RASA1: variants seen among roughly 807,000 people sequenced by gnomAD.
RASA1 encodes the protein RAS p21 protein activator 1.
In RASA1, 25 loss-of-function variants were observed where a neutral mutation model predicts 132.2. The ratio of observed to expected loss-of-function variants is 0.19; its 90% CI spans 0.14 to 0.26. The LOEUF is 0.26. Ranked by LOEUF, RASA1 falls within the 10% of genes least tolerant of loss-of-function variation. The pLI is 1.00. For missense variants in RASA1, 964 were observed against 1,299.2 expected (o/e 0.74, Z 3.97); for synonymous variants, 477 against 449.9 (o/e 1.06, Z -0.76).
intron 1 of RASA1, among the ~76,000 whole-genome samples, chr5:87,294,931 C>T (rs1414459544): frequency 1.3e-5 from 2 of 152,154 alleles, no homozygotes; most frequent in Non-Finnish European, 2.9e-5. Flanking sequence ...TCTGCCCATT[C>T]CTGATAGAGC....
At chr5:87,337,334 AC>A (rs1228440604) in intron 4 of RASA1, among the ~76,000 whole-genome samples, 1 of 152,022 alleles carries the variant, frequency 6.6e-6, no homozygotes, top group African/African-American at 2.4e-5. Flanking sequence ...CAGAAAAAAA[AC>A]ATACATTCCT....
chr5:87,275,877 T>C (rs1222052535), intron 1 of RASA1, among the ~76,000 whole-genome samples: 1 of 152,212 alleles, frequency 6.6e-6, no homozygotes, highest in African/African-American at 2.4e-5. Flanking sequence ...CAGCTTGGCC[T>C]TCTTCATAGC....
intron 6 of RASA1, among the ~76,000 whole-genome samples, chr5:87,344,765 C>T (rs886425578): frequency 3.3e-5 from 5 of 150,974 alleles, no homozygotes; most frequent in African/African-American, 9.7e-5. Flanking sequence ...GTGATCCTCC[C>T]ACCTTGGCCT....
chr5:87,287,855 ACC>A (rs1561257737), intron 1 of RASA1, among the ~76,000 whole-genome samples: 1 of 123,624 alleles, frequency 8.1e-6, no homozygotes. Flanking sequence ...ATATACACAC[ACC>A]ATATATATAC....
chr5:87,270,692 T>A (rs1753793307), intron 1 of RASA1, among the ~76,000 whole-genome samples: 1 of 134,656 alleles, frequency 7.4e-6, no homozygotes, highest in African/African-American at 2.8e-5. Flanking sequence ...TTGGATAAGC[T>A]TCTTTGGAGC....
intron 13 of RASA1, among the ~76,000 whole-genome samples, chr5:87,373,869 G>A (rs1039567495): frequency 3.3e-5 from 5 of 151,756 alleles, no homozygotes; most frequent in African/African-American, 1.2e-4. Context: ...CTTTATCATT[G>A]TTTTATGGTA....
chr5:87,287,367 T>TAC (rs1754663005), intron 1 of RASA1, among the ~76,000 whole-genome samples: 2 of 146,626 alleles, frequency 1.4e-5, no homozygotes, highest in Admixed American at 1.4e-4. Flanking sequence ...ACCATATATA[T>TAC]ACCATATATA....
intron 12 of RASA1, among the ~76,000 whole-genome samples, chr5:87,371,193 T>TA (rs1159267281): frequency 1.2e-4 from 19 of 152,158 alleles, no homozygotes; most frequent in Admixed American, 1.2e-3. Context: ...TTAATGTATT[T>TA]ATACATAATA....
intron 1 of RASA1, among the ~76,000 whole-genome samples, chr5:87,282,947 G>A (rs181075672): frequency 7.9e-5 from 12 of 152,160 alleles, no homozygotes; most frequent in Admixed American, 5.2e-4. Flanking sequence ...ATTAACCTGC[G>A]TTACCTTACG....
chr5:87,374,740 T>A (rs560733365), intron 14 of RASA1, 100 bp from the exon 15 acceptor site: 14 of 1,492,626 alleles, frequency 9.4e-6, no homozygotes, highest in East Asian at 4.8e-5. Flanking sequence ...TTTTTTTTTT[T>A]AAAGCAGAAA....
intron 4 of RASA1, among the ~76,000 whole-genome samples, chr5:87,333,822 A>G (rs1296055528): frequency 1.3e-5 from 2 of 152,262 alleles, no homozygotes; most frequent in East Asian, 3.9e-4. Flanking sequence ...TTAATTTTCT[A>G]GTGGAAACTT....
chr5:87,384,217 G>A (rs985659282), intron 21 of RASA1, among the ~76,000 whole-genome samples: 6 of 152,056 alleles, frequency 3.9e-5, no homozygotes, highest in Non-Finnish European at 5.9e-5. Context: ...AAGCAGTCCT[G>A]GTTCCTCCCG....
chr5:87,369,772 T>G, intron 11 of RASA1, 41 bp from the exon 12 acceptor site: 1 of 1,456,354 alleles, frequency 6.9e-7, no homozygotes, highest in South Asian at 1.2e-5. Flanking sequence ...TTTTGCTACT[T>G]TTTATTAAGC....
chr5:87,314,031 TG>T lies in RASA1; in HGVS notation c.540-17315del, dbSNP rs545569397. ...AAAAATACAAAAAATGAGCCAGGCGTGGTGGCACATGCCTGTAATCCCAGCT... is the reference window on the plus strand; with the variant it reads ...AAAAATACAAAAAATGAGCCAGGCGTGTGGCACATGCCTGTAATCCCAGCT... On this transcript the variant is annotated intron_variant, in intron 1 of 24. Coordinates refer to ENST00000274376, the MANE Select transcript of RASA1 (RefSeq NM_002890.3). Among the ~76,000 whole-genome samples, 45 of 152,084 alleles carry T rather than the reference TG, an allele frequency of 3.0e-4. 1 individual carries two copies. The South Asian group carries it at 9.3e-3, about 32-fold the overall frequency.
chr5:87,371,632 T>C (rs764146008), intron 12 of RASA1, among the ~76,000 whole-genome samples: 1 of 152,122 alleles, frequency 6.6e-6, no homozygotes, highest in Non-Finnish European at 1.5e-5. Context: ...ACCTGTATCA[T>C]GGTCTAAAGT....
Position 87,389,708 on chromosome 5 carries a change from T to C in RASA1, c.3060+181T>C, listed in dbSNP as rs560581932. ...CGGGCCCCGACTAAAATGATGTACA[T>C]TTAATACTGAAAAACATCAGGTTTT... On this transcript the variant is annotated intron_variant, in intron 24 of 24. Coordinates refer to ENST00000274376, the MANE Select transcript of RASA1 (RefSeq NM_002890.3). Among the ~76,000 whole-genome samples, 3 of 152,328 alleles carry C rather than the reference T, an allele frequency of 2.0e-5. No individual in the cohort carries two copies. In the South Asian group the frequency reaches 6.2e-4, roughly 32 times the overall value.
intron 1 of RASA1, among the ~76,000 whole-genome samples, chr5:87,290,780 C>T (rs1391030586): frequency 1.3e-5 from 2 of 152,166 alleles, no homozygotes; most frequent in East Asian, 3.8e-4. Context: ...CACTAAATAA[C>T]ATGCATTTAG....
intron 7 of RASA1, 88 bp from the exon 8 acceptor site, chr5:87,349,126 C>T: frequency 1.4e-6 from 2 of 1,452,646 alleles, no homozygotes; most frequent in Non-Finnish European, 1.9e-6. Context: ...ATGTTTATGA[C>T]TTTGAATGCA....
intron 11 of RASA1, among the ~76,000 whole-genome samples, chr5:87,367,732 A>G (rs1760630080): frequency 6.6e-6 from 1 of 152,184 alleles, no homozygotes; most frequent in South Asian, 2.1e-4. Flanking sequence ...TTATTGCTTT[A>G]CATTTATTTA....
Sources: allele counts gnomAD v4.1 joint callset (sites outside exome capture counted in the v4.1 genomes callset), GRCh38; gene constraint gnomAD v4.1.1; transcripts MANE v1.5; gene names NCBI Gene and HGNC (gene_info 2026-07-23, HGNC 2026-07-21).